RUSC1: variants seen among roughly 807,000 people sequenced by gnomAD.
RUSC1 encodes RUN and SH3 domain containing 1, also known as AP-4 complex accessory subunit RUSC1.
Under a neutral mutation model 72.1 loss-of-function variants are expected in RUSC1, and 40 were observed. The observed-to-expected ratio is 0.55, with a 90% CI of 0.43 to 0.72. RUSC1 has a LOEUF of 0.72. RUSC1 is among the 30% of genes least tolerant of loss of function. The pLI, the probability that RUSC1 is intolerant of heterozygous loss-of-function variation, is 0.00. For missense variants in RUSC1, 1,092 were observed against 1,172.3 expected, an observed-to-expected ratio of 0.93 and a Z score of 1.00; for synonymous variants, 512 against 494.2, an observed-to-expected ratio of 1.04 and a Z score of -0.48.
chr1:155,326,508 G>A lies in RUSC1; in HGVS notation c.1862-72G>A. 1 of 1,451,374 alleles carries A rather than the reference G, an allele frequency of 6.9e-7. No individual in the cohort carries two copies. Among genetic ancestry groups the A allele is most frequent in the Non-Finnish European group, 9.4e-7 (1 of 1,063,844 alleles). 89.9% of individuals were successfully genotyped at this position (1,451,374 alleles called of 1,614,324 possible). A position where few individuals can be genotyped will look rare whatever the true frequency, so the allele number is the denominator to read the frequency against. ...AGGCCTGGGAAGATGTGTGCTGACT[G>A]GTGGGCTGCTCTGGGGGGTCTTCTG... On this transcript the variant is annotated intron_variant, in intron 7 of 9. Coordinates refer to ENST00000368352, the MANE Select transcript of RUSC1 (RefSeq NM_001105203.2). This position sits in a 1 kb window ranked among gnomAD's most constrained non-coding sequence, Gnocchi z 4.7.
rs1480558513 is a variant in RUSC1, at chr1:155,322,415, G to A, written c.642G>A (p.Glu214=). Residue 214 remains glutamate (E), a synonymous_variant, in exon 2 of 10, where the codon GAG becomes GAA. Transcript: ENST00000368352. The part of the protein sequence containing the change: ...EQDLPTSELL[E]ADDGKIDAGK... Reference sequence around the variant, plus strand: ...ATCTCCCTACCTCTGAGCTCTTAGAGGCGGATGATGGGAAAATCGACGCTG... The same window carrying A: ...ATCTCCCTACCTCTGAGCTCTTAGAAGCGGATGATGGGAAAATCGACGCTG... The A allele has an allele frequency of 2.5e-6, 4 of 1,614,190 alleles. No homozygotes were observed. Among genetic ancestry groups the A allele is most frequent in the Non-Finnish European group, 2.5e-6 (3 of 1,180,026 alleles).
Position 155,325,284 on chromosome 1 carries a change from C to A in RUSC1, c.1534-32C>A. 2 of 1,605,996 alleles carry A rather than the reference C, an allele frequency of 1.2e-6. No individual in the cohort carries two copies. The highest frequency in any genetic ancestry group is 8.5e-7 in the Non-Finnish European group (1 of 1,179,560). ...GTGGCTGGGAGGTGTCTGGAGGGATCTCTGGAGCCATCGGCATCGCGCCAC... is the reference window on the plus strand; with the variant it reads ...GTGGCTGGGAGGTGTCTGGAGGGATATCTGGAGCCATCGGCATCGCGCCAC... On this transcript the variant is annotated intron_variant, in intron 4 of 9. Transcript: ENST00000368352. This position sits in a 1 kb window ranked among gnomAD's most constrained non-coding sequence, Gnocchi z 6.5.
rs372626504 is a variant in RUSC1, at chr1:155,322,850, C to T, written c.1077C>T (p.Gly359=). 447 of 1,613,280 alleles carry T rather than the reference C, an allele frequency of 2.8e-4. 3 individuals are homozygous for T. In the African/African-American group the frequency reaches 4.5e-3, roughly 16 times the overall value. Reference sequence around the variant, plus strand: ...AGCTCCCCCCCTCGGGGTCGCCGGGCGGCTCCTCGGCACCTCCTCGGGAAG... The same window carrying T: ...AGCTCCCCCCCTCGGGGTCGCCGGGTGGCTCCTCGGCACCTCCTCGGGAAG... ...DTELPPSGSP[G]GSSAPPREVT... The change falls in exon 2 of 10, where the codon GGC becomes GGT. Residue 359 remains glycine, a synonymous_variant. Coordinates refer to ENST00000368352, the MANE Select transcript of RUSC1 (RefSeq NM_001105203.2).
In RUSC1 at chr1:155,322,449, G is replaced by A; in HGVS notation, c.676G>A (p.Glu226Lys). 3 of 1,614,064 alleles carry A rather than the reference G, an allele frequency of 1.9e-6. No homozygotes were observed. Among genetic ancestry groups the A allele is most frequent in the Non-Finnish European group, 2.5e-6 (3 of 1,179,976 alleles). Reference protein sequence around the residue: ...DDGKIDAGKTEPSWKINPIWK... With the variant: ...DDGKIDAGKTKPSWKINPIWK... The stretch of plus-strand genomic sequence containing the variant: ...TGGGAAAATCGACGCTGGGAAAACG[G>A]AGCCCAGTTGGAAGATTAACCCAAT... Residue 226 changes from glutamate to lysine, a missense_variant, in exon 2 of 10, where the codon GAG (glutamate) becomes AAG (lysine). Glu to Lys is a moderately conservative substitution (Grantham distance 56). Coordinates refer to ENST00000368352, the MANE Select transcript of RUSC1 (RefSeq NM_001105203.2).
intron 2 of RUSC1, chr1:155,323,980 G>C (rs983458514): frequency 1.7e-5 from 17 of 1,012,106 alleles, no homozygotes; most frequent in Non-Finnish European, 1.8e-5. Flanking sequence ...GTCTGGCCCC[G>C]TTCCTAGTGC....
In RUSC1 at chr1:155,323,095, C is replaced by A; in HGVS notation, c.1322C>A (p.Ala441Asp). The change falls in exon 2 of 10, where the codon GCC (alanine) becomes GAC (aspartate). Residue 441 changes from alanine (A) to aspartate (D), a missense_variant. Transcript: ENST00000368352. ...VSPAAGEEAP[A>D]AKEPGAQAGL... ...CCAGCGGCTGGCGAGGAGGCCCCAG[C>A]CGCGAAGGAGCCGGGCGCGCAGGCC... 1.4e-6 allele frequency: 2 copies of A among 1,426,012 alleles called. No individual in the cohort carries two copies. Among genetic ancestry groups the A allele is most frequent in the Non-Finnish European group, 1.8e-6 (2 of 1,094,240 alleles). The allele number at this position is 1,426,012 out of a possible 1,614,324, so 88.3% of individuals were successfully genotyped here. A position where few individuals can be genotyped will look rare whatever the true frequency, so the allele number is the denominator to read the frequency against.
Position 155,326,712 on chromosome 1 carries a change from T to A in RUSC1, c.1994T>A (p.Phe665Tyr), listed in dbSNP as rs147547552. 2 of 1,613,470 alleles carry A rather than the reference T, an allele frequency of 1.2e-6. No individual in the cohort carries two copies. Among genetic ancestry groups the A allele is most frequent in the East Asian group, 4.5e-5 (2 of 44,880 alleles). ...SVLTFHLDLLFEHHHHLPLGP... is the reference protein window; with the variant it reads ...SVLTFHLDLLYEHHHHLPLGP... ...CTCACTTTCCACCTGGACCTGCTCTTTGAGCACCACCACCACCTGCCCCTG... is the reference window on the plus strand; with the variant it reads ...CTCACTTTCCACCTGGACCTGCTCTATGAGCACCACCACCACCTGCCCCTG... The change falls in exon 8 of 10, where the codon TTT (phenylalanine) becomes TAT (tyrosine). Residue 665 changes from phenylalanine to tyrosine, a missense_variant. Transcript: ENST00000368352. The surrounding 1 kb of genome is among the most constrained non-coding windows in gnomAD (Gnocchi z 4.7).
rs775788531 is a variant in RUSC1, at chr1:155,325,309, C to T, written c.1534-7C>T. 5.6e-6 allele frequency: 9 copies of T among 1,603,566 alleles called. No individual in the cohort carries two copies. The highest frequency in any genetic ancestry group is 4.4e-5 in the South Asian group (4 of 90,866). The stretch of plus-strand genomic sequence containing the variant: ...CTCTGGAGCCATCGGCATCGCGCCA[C>T]CTCCAGGCCCAGTTGGGTGATAGCC... On this transcript the variant is annotated splice_region_variant and splice_polypyrimidine_tract_variant and intron_variant, in intron 4 of 9. Coordinates refer to ENST00000368352, the MANE Select transcript of RUSC1 (RefSeq NM_001105203.2). The surrounding 1 kb of genome is among the most constrained non-coding windows in gnomAD (Gnocchi z 6.5).
At chr1:155,321,526 G>A (rs780996693) in intron 1 of RUSC1, 162 bp from the exon 2 acceptor site, 21 of 1,423,364 alleles carry the variant, frequency 1.5e-5, no homozygotes, top group Middle Eastern at 2.4e-4. Context: ...TGCAAACACT[G>A]CAGTGGAAAC....
At position 155,322,809 on chromosome 1, in the gene RUSC1, T is replaced by C; in HGVS notation, c.1036T>C (p.Phe346Leu). The change falls in exon 2 of 10, where the codon TTC becomes CTC. Residue 346 changes from phenylalanine to leucine, a missense_variant. By Grantham distance (22) the Phe-to-Leu change is conservative. Transcript: ENST00000368352. ...AGATCGCAGTGACTGGCTCATAGTC[T>C]TCTCGCCCGACACCGAGCTCCCCCC... is the stretch of plus-strand genomic sequence containing the variant. ...KKDRSDWLIV[F>L]SPDTELPPSG... The C allele has an allele frequency of 1.2e-6, 2 of 1,613,872 alleles. No homozygotes were observed. Among genetic ancestry groups the C allele is most frequent in the Non-Finnish European group, 1.7e-6 (2 of 1,179,924 alleles).
chr1:155,328,692 C>A (rs758140384), intron 9 of RUSC1, among the ~76,000 whole-genome samples: 15 of 152,064 alleles, frequency 9.9e-5, no homozygotes, highest in Non-Finnish European at 2.1e-4. Flanking sequence ...CTCCGCCTCC[C>A]AGGTTCAAGC....
At position 155,325,633 on chromosome 1, in the gene RUSC1, G is replaced by C; in HGVS notation, c.1775G>C (p.Ser592Thr). 6.2e-7 allele frequency: 1 copy of C among 1,613,474 alleles called. No individual in the cohort carries two copies. Among genetic ancestry groups the C allele is most frequent in the Non-Finnish European group, 8.5e-7 (1 of 1,179,990 alleles). The change falls in exon 6 of 10, where the codon AGC (serine) becomes ACC (threonine). Residue 592 changes from serine (S) to threonine (T), a missense_variant. Physicochemically the swap from Ser to Thr is moderately conservative, Grantham distance 58 (BLOSUM62 1). Transcript: ENST00000368352. This position sits in a 1 kb window ranked among gnomAD's most constrained non-coding sequence, Gnocchi z 6.5. ...AGCCGTCTAGCCCCGCTGAGCAGCAGCCGTAGCCGCTTCCATGCCTTTATC... is the reference window on the plus strand; with the variant it reads ...AGCCGTCTAGCCCCGCTGAGCAGCACCCGTAGCCGCTTCCATGCCTTTATC... ...QVSRLAPLSS[S>T]RSRFHAFILG... is the part of the protein sequence containing the mutation.
intron 2 of RUSC1, chr1:155,324,104 TCC>T (rs1433706630): frequency 1.8e-5 from 22 of 1,191,516 alleles, no homozygotes; most frequent in Admixed American, 8.9e-5. Context: ...GTCTAGGGGG[TCC>T]CAGCGAGTCT....
At chr1:155,330,345 G>A in intron 9 of RUSC1, 58 bp from the exon 10 acceptor site, 1 of 1,584,440 alleles carries the variant, frequency 6.3e-7, no homozygotes. Flanking sequence ...TGACGCCTGG[G>A]GACGGCTGGG....
chr1:155,324,501 C>T (rs369103030), intron 2 of RUSC1: 1 of 1,605,454 alleles, frequency 6.2e-7, no homozygotes, highest in African/African-American at 1.3e-5. Flanking sequence ...CTCCCCGCGC[C>T]CCGTCCTCTC....
Position 155,321,730 on chromosome 1 carries a change from T to TACACATCTAGAGA in RUSC1, c.-42_-41insACATCTAGAGAAC, listed in dbSNP as rs765135101. On this transcript the variant is annotated 5_prime_UTR_variant, in exon 2 of 10. Transcript: ENST00000368352. The stretch of plus-strand genomic sequence containing the variant: ...CCAGGTAGGTGGATGTGAGAGACCC[T>TACACATCTAGAGA]ACCCTTCTGGTTCTCTAGAAGCCAT... 6.2e-7 allele frequency: 1 copy of TACACATCTAGAGA among 1,609,982 alleles called. No individual in the cohort carries two copies. The highest frequency in any genetic ancestry group is 1.1e-5 in the South Asian group (1 of 90,678).
Position 155,330,572 on chromosome 1 carries a change from C to T in RUSC1, c.*1C>T. The T allele has an allele frequency of 1.3e-6, 2 of 1,574,256 alleles. No homozygotes were observed. The highest frequency in any genetic ancestry group is 1.2e-5 in the South Asian group (1 of 85,384). ...GGGGTATACCTCCCTTGTTCTGTAG[C>T]CCTGGGACCCTTTCCTGCGTATGTG... On this transcript the variant is annotated 3_prime_UTR_variant, in exon 10 of 10. Transcript: ENST00000368352.
chr1:155,326,039 T>A lies in RUSC1; in HGVS notation c.1861+129T>A. On this transcript the variant is annotated intron_variant, in intron 7 of 9. Coordinates refer to ENST00000368352, the MANE Select transcript of RUSC1 (RefSeq NM_001105203.2). This position sits in a 1 kb window ranked among gnomAD's most constrained non-coding sequence, Gnocchi z 4.7. ...CAGATCTCCGATCTTATTACTCTTC[T>A]AATTAAAACTTTCTAAGGAGGCCCA... is the stretch of plus-strand genomic sequence containing the variant. The A allele has an allele frequency of 9.7e-7, 1 of 1,036,040 alleles. No homozygotes were observed. The highest frequency in any genetic ancestry group is 1.5e-6 in the Non-Finnish European group (1 of 677,700). 64.2% of individuals were successfully genotyped at this position (1,036,040 alleles called of 1,614,324 possible).
chr1:155,330,458 C>G lies in RUSC1; in HGVS notation c.2596C>G (p.Arg866Gly). The change falls in exon 10 of 10, where the codon CGG becomes GGG. Residue 866 changes from arginine (R) to glycine (G), a missense_variant. Transcript: ENST00000368352. ...TGCAAGACCTGACCAGTTGAGCTTCCGGCGTGGGGAAGTGCTGCGTGTCAT... is the reference window on the plus strand; with the variant it reads ...TGCAAGACCTGACCAGTTGAGCTTCGGGCGTGGGGAAGTGCTGCGTGTCAT... ...TAARPDQLSF[R>G]RGEVLRVITT... is the part of the protein sequence containing the mutation. The G allele has an allele frequency of 6.2e-7, 1 of 1,613,642 alleles. No individual in the cohort carries two copies. The highest frequency in any genetic ancestry group is 8.5e-7 in the Non-Finnish European group (1 of 1,180,022).
Sources: allele counts gnomAD v4.1 joint callset (sites outside exome capture counted in the v4.1 genomes callset), GRCh38; gene constraint gnomAD v4.1.1; non-coding constraint Gnocchi (gnomAD v3.1); transcripts MANE v1.5; gene names NCBI Gene and HGNC (gene_info 2026-07-23, HGNC 2026-07-21).